Variants in CPQ observed in about 807,000 individuals in gnomAD.
The protein encoded by CPQ is carboxypeptidase Q, also known as Ser-Met dipeptidase.
Under a neutral mutation model 45.7 loss-of-function variants are expected in CPQ, and 37 were observed. The ratio of observed to expected loss-of-function variants is 0.81; its 90% CI spans 0.62 to 1.07. The LOEUF (loss-of-function observed/expected upper bound fraction) is 1.07. Among genes scored for constraint, CPQ ranks in the 50% least tolerant of loss-of-function variants. The pLI, the probability that CPQ is intolerant of heterozygous loss-of-function variation, is 0.00. For missense variants in CPQ, 537 were observed against 572.9 expected (o/e 0.94, Z 0.64); for synonymous variants, 186 against 205.8 (o/e 0.90, Z 0.82).
chr8:96,900,392 G>A (rs1330655428), intron 4 of CPQ, among the ~76,000 whole-genome samples: 2 of 152,152 alleles, frequency 1.3e-5, no homozygotes, highest in African/African-American at 4.8e-5. Flanking sequence ...AAGAGAAATC[G>A]TGGTTTGTTG....
At chr8:96,868,174 A>T (rs1007116060) in intron 3 of CPQ, among the ~76,000 whole-genome samples, 6 of 152,048 alleles carry the variant, frequency 3.9e-5, no homozygotes, top group African/African-American at 1.4e-4. Flanking sequence ...CAACATAAAC[A>T]CCTAATTGGC....
intron 2 of CPQ, among the ~76,000 whole-genome samples, chr8:96,815,780 A>G (rs1329246417): frequency 6.6e-6 from 1 of 152,136 alleles, no homozygotes; most frequent in Non-Finnish European, 1.5e-5. Flanking sequence ...AGTAAAGTAA[A>G]TATCACAATA....
intron 7 of CPQ, among the ~76,000 whole-genome samples, chr8:97,067,629 T>C (rs549058965): frequency 1.3e-5 from 2 of 152,348 alleles, no homozygotes; most frequent in East Asian, 1.9e-4. Context: ...TTAAGGCATA[T>C]TTTAAGTTTT....
intron 5 of CPQ, among the ~76,000 whole-genome samples, chr8:96,981,381 T>C (rs893625525): frequency 3.3e-5 from 5 of 152,322 alleles, no homozygotes; most frequent in African/African-American, 9.6e-5. Context: ...TCAGGAAATG[T>C]TTCAAAAGCT....
chr8:96,778,203 G>C (rs1018671758), intron 1 of CPQ, among the ~76,000 whole-genome samples: 13 of 151,576 alleles, frequency 8.6e-5, no homozygotes, highest in Non-Finnish European at 1.9e-4. Flanking sequence ...TCTTATGCTG[G>C]TTTTCTTAAG....
intron 1 of CPQ, among the ~76,000 whole-genome samples, chr8:96,695,507 T>C (rs895756869): frequency 2.0e-5 from 3 of 151,936 alleles, no homozygotes; most frequent in African/African-American, 7.3e-5. Flanking sequence ...ACAGGCAACC[T>C]ACAAAATGAG....
intron 1 of CPQ, among the ~76,000 whole-genome samples, chr8:96,670,117 G>A (rs1003175117): frequency 2.0e-5 from 3 of 152,116 alleles, no homozygotes; most frequent in African/African-American, 4.8e-5. Context: ...ATTTGCTTAG[G>A]AACAATAGGG....
intron 4 of CPQ, among the ~76,000 whole-genome samples, chr8:96,898,363 A>C (rs961666445): frequency 2.0e-5 from 3 of 152,078 alleles, no homozygotes; most frequent in African/African-American, 7.2e-5. Flanking sequence ...CCACTCTTTG[A>C]GGTTAGTAGT....
At chr8:96,960,275 T>A (rs1813435467) in intron 4 of CPQ, among the ~76,000 whole-genome samples, 1 of 152,200 alleles carries the variant, frequency 6.6e-6, no homozygotes, top group African/African-American at 2.4e-5. Flanking sequence ...AGTTAGTTTA[T>A]AAGGAGGACA....
At chr8:96,960,293 T>A (rs1039908068) in intron 4 of CPQ, among the ~76,000 whole-genome samples, 1 of 152,222 alleles carries the variant, frequency 6.6e-6, no homozygotes, top group African/African-American at 2.4e-5. Flanking sequence ...ACACTATCTT[T>A]GTCAGGTTTT....
chr8:96,805,819 G>T (rs78656914), intron 2 of CPQ, among the ~76,000 whole-genome samples: 2,019 of 152,012 alleles, frequency 0.013, 28 homozygotes, highest in Middle Eastern at 0.092. Context: ...GACCTCATTT[G>T]GTTGTCGTGG....
chr8:96,876,240 T>G (rs1812143742), intron 3 of CPQ, among the ~76,000 whole-genome samples: 1 of 152,002 alleles, frequency 6.6e-6, no homozygotes, highest in African/African-American at 2.4e-5. Flanking sequence ...ATTTTCTATA[T>G]GTAAGATCAT....
chr8:96,929,101 G>A (rs942826831), intron 4 of CPQ, among the ~76,000 whole-genome samples: 20 of 152,164 alleles, frequency 1.3e-4, no homozygotes, highest in African/African-American at 4.6e-4. Flanking sequence ...GCTTGCTCGG[G>A]CTTTTGAATG....
At chr8:97,045,279 T>G (rs1436818051) in intron 6 of CPQ, among the ~76,000 whole-genome samples, 1 of 152,174 alleles carries the variant, frequency 6.6e-6, no homozygotes, top group African/African-American at 2.4e-5. Flanking sequence ...GTGGGCATAG[T>G]ACCTTCCAAG....
At chr8:97,028,399 T>C (rs999041920) in intron 5 of CPQ, among the ~76,000 whole-genome samples, 3 of 152,210 alleles carry the variant, frequency 2.0e-5, no homozygotes, top group Non-Finnish European at 2.9e-5. Flanking sequence ...ACCTGAGATA[T>C]GTGGTGTGTC....
At chr8:96,911,687 A>G (rs1812666423) in intron 4 of CPQ, among the ~76,000 whole-genome samples, 1 of 152,212 alleles carries the variant, frequency 6.6e-6, no homozygotes, top group Admixed American at 6.5e-5. Context: ...AACAAAACTA[A>G]ATCTTTTAAT....
chr8:96,885,079 A>C (rs1168605933), intron 4 of CPQ, among the ~76,000 whole-genome samples: 1 of 152,214 alleles, frequency 6.6e-6, no homozygotes, highest in Non-Finnish European at 1.5e-5. Context: ...TGGGTAATTT[A>C]TAATGAACAG....
At chr8:97,108,414 G>A (rs1481788193) in intron 7 of CPQ, among the ~76,000 whole-genome samples, 1 of 152,160 alleles carries the variant, frequency 6.6e-6, no homozygotes, top group East Asian at 1.9e-4. Flanking sequence ...AAGACTTGAT[G>A]GGATTATGTC....
chr8:96,879,608 A>T (rs1298691713), intron 3 of CPQ, among the ~76,000 whole-genome samples, 190 bp from the exon 4 acceptor site: 1 of 152,264 alleles, frequency 6.6e-6, no homozygotes, highest in Non-Finnish European at 1.5e-5. Context: ...TGAAGTTTCT[A>T]ATTTATTCTT....
Sources: gnomAD v4.1 joint callset for allele counts (sites outside exome capture counted in the v4.1 genomes callset) on GRCh38, gnomAD v4.1.1 for gene constraint, MANE v1.5 for transcripts, NCBI Gene and HGNC (gene_info 2026-07-23, HGNC 2026-07-21) for gene names.